Variants in AFF3 observed in about 807,000 individuals in gnomAD.
AFF3 encodes the protein ALF transcription elongation factor 3.
AFF3 carries 32 observed loss-of-function variants against 129.7 expected under a neutral mutation model. The observed-to-expected ratio is 0.25, with a 90% CI of 0.19 to 0.33. AFF3 has a LOEUF of 0.33. Among genes scored for constraint, AFF3 ranks in the 10% least tolerant of loss-of-function variants. The pLI, the probability that AFF3 is intolerant of heterozygous loss-of-function variation, is 1.00. For synonymous variants in AFF3, 644 were observed against 635.4 expected (o/e 1.01, Z -0.20); for missense variants, 1,373 against 1,592.0 (o/e 0.86, Z 2.34).
chr2:100,037,423 TATAA>T (rs941890381), intron 4 of AFF3, among the ~76,000 whole-genome samples: 10 of 133,372 alleles, frequency 7.5e-5, no homozygotes, highest in Non-Finnish European at 1.5e-4. Flanking sequence ...TTTATTTATA[TATAA>T]ATATATATTT....
chr2:99,921,693 T>C (rs958408364), intron 7 of AFF3, among the ~76,000 whole-genome samples: 1 of 152,046 alleles, frequency 6.6e-6, no homozygotes, highest in Non-Finnish European at 1.5e-5. Context: ...CAGAAAGGAA[T>C]AAATGTGAAA....
chr2:99,804,974 T>G (rs1408627772), intron 8 of AFF3, among the ~76,000 whole-genome samples: 4 of 152,082 alleles, frequency 2.6e-5, no homozygotes, highest in Non-Finnish European at 1.5e-5. Flanking sequence ...AACAACACAT[T>G]GGGTACAATA....
intron 4 of AFF3, among the ~76,000 whole-genome samples, chr2:100,031,812 C>T (rs956819549): frequency 3.9e-5 from 6 of 152,176 alleles, no homozygotes; most frequent in South Asian, 4.1e-4. Context: ...TGAGTCCACA[C>T]GGTAAATAAA....
chr2:99,971,878 GA>G (rs943940569), intron 7 of AFF3, among the ~76,000 whole-genome samples: 1 of 151,870 alleles, frequency 6.6e-6, no homozygotes, highest in African/African-American at 2.4e-5. Context: ...CTTTATGGCA[GA>G]AAAAAAAGAA....
chr2:100,127,812 C>A (rs189189672), intron 2 of AFF3, among the ~76,000 whole-genome samples: 39 of 152,254 alleles, frequency 2.6e-4, no homozygotes, highest in African/African-American at 9.1e-4. Context: ...GGCGTGTGAA[C>A]CAGAGCAACT....
rs535905696 is a variant in AFF3 at position 99,756,470 on chromosome 2, C to T, written c.922-4169G>A. 3.4e-4 allele frequency among the ~76,000 whole-genome samples: 52 copies of T among 152,338 alleles called. No individual in the cohort carries two copies. In the South Asian group the frequency reaches 3.9e-3, roughly 12 times the overall value. ...AAGGACAGACCTGTGGGTGTTCATGCCTGACCCCGTTGCCTTCCTTCTGGT... is the reference window on the plus strand; with the variant it reads ...AAGGACAGACCTGTGGGTGTTCATGTCTGACCCCGTTGCCTTCCTTCTGGT... On this transcript the variant is annotated intron_variant, in intron 8 of 24. Coordinates refer to ENST00000672756, the MANE Select transcript of AFF3 (RefSeq NM_001386135.1).
At chr2:99,995,653 G>A (rs1031960396) in intron 7 of AFF3, among the ~76,000 whole-genome samples, 8 of 151,976 alleles carry the variant, frequency 5.3e-5, no homozygotes, top group African/African-American at 9.7e-5. Flanking sequence ...ATTACACCAC[G>A]CCTGGCCCAT....
chr2:99,981,037 C>T (rs879670022), intron 7 of AFF3, among the ~76,000 whole-genome samples: 1 of 152,110 alleles, frequency 6.6e-6, no homozygotes, highest in African/African-American at 2.4e-5. Flanking sequence ...TTGTTTGAGA[C>T]GGAGTTTCAC....
At chr2:100,017,661 G>GCTAGTAACAA (rs1445390229) in intron 4 of AFF3, among the ~76,000 whole-genome samples, 1 of 152,182 alleles carries the variant, frequency 6.6e-6, no homozygotes, top group African/African-American at 2.4e-5. Flanking sequence ...GTTAAATGTT[G>GCTAGTAACAA]CTAGTAACAA....
intron 2 of AFF3, among the ~76,000 whole-genome samples, chr2:100,111,171 C>T (rs1247195367): frequency 6.6e-6 from 1 of 152,220 alleles, no homozygotes; most frequent in Non-Finnish European, 1.5e-5. Flanking sequence ...AAATAAGACC[C>T]TATGTGGCTA....
At chr2:99,965,118 C>T (rs1430745204) in intron 7 of AFF3, among the ~76,000 whole-genome samples, 4 of 151,916 alleles carry the variant, frequency 2.6e-5, no homozygotes, top group African/African-American at 9.7e-5. Flanking sequence ...ATAAACCACG[C>T]GAAATGAACA....
intron 10 of AFF3, among the ~76,000 whole-genome samples, chr2:99,738,723 G>A (rs1356862607): frequency 6.6e-6 from 1 of 152,056 alleles, no homozygotes; most frequent in Non-Finnish European, 1.5e-5. Context: ...GCTGATTTAT[G>A]GCTCTTTGTA....
At chr2:100,131,179 C>T (rs1024811564) in intron 1 of AFF3, among the ~76,000 whole-genome samples, 63 of 152,320 alleles carry the variant, frequency 4.1e-4, no homozygotes, top group African/African-American at 1.5e-3. Flanking sequence ...TGAGAAAGTG[C>T]TGGTTTAGTC....
intron 8 of AFF3, among the ~76,000 whole-genome samples, chr2:99,767,499 T>C (rs556496485): frequency 1.1e-4 from 17 of 152,362 alleles, no homozygotes; most frequent in African/African-American, 3.8e-4. Flanking sequence ...TAAGCACTGT[T>C]CCAGGTGGCT....
intron 8 of AFF3, among the ~76,000 whole-genome samples, chr2:99,781,084 C>T (rs907339729): frequency 1.3e-5 from 2 of 152,140 alleles, no homozygotes; most frequent in African/African-American, 4.8e-5. Flanking sequence ...ATCATTCTCC[C>T]CTTACTTACT....
intron 4 of AFF3, among the ~76,000 whole-genome samples, chr2:100,048,194 C>T (rs1685994396): frequency 6.6e-6 from 1 of 152,186 alleles, no homozygotes. Context: ...GACAAATATC[C>T]TAAGCTATAA....
At chr2:99,718,888 C>G (rs1172282145) in intron 11 of AFF3, among the ~76,000 whole-genome samples, 1 of 151,628 alleles carries the variant, frequency 6.6e-6, no homozygotes, top group African/African-American at 2.4e-5. Flanking sequence ...GTAGCTGGGA[C>G]TACAGGTGCC....
chr2:99,968,376 C>T (rs879542820), intron 7 of AFF3, among the ~76,000 whole-genome samples: 51 of 152,296 alleles, frequency 3.3e-4, no homozygotes, highest in East Asian at 1.9e-4. Context: ...AACCCAATTG[C>T]AATTATCCCC....
At chr2:99,852,999 ACAT>A (rs1690262819) in intron 7 of AFF3, among the ~76,000 whole-genome samples, 4 of 152,232 alleles carry the variant, frequency 2.6e-5, no homozygotes, top group African/African-American at 9.6e-5. Flanking sequence ...AGAGAAAAAA[ACAT>A]CACAGGTTTT....
Sources: gnomAD v4.1 joint callset for allele counts (sites outside exome capture counted in the v4.1 genomes callset) on GRCh38, gnomAD v4.1.1 for gene constraint, MANE v1.5 for transcripts, NCBI Gene and HGNC (gene_info 2026-07-23, HGNC 2026-07-21) for gene names.